SLC35F3: variants seen among roughly 807,000 people sequenced by gnomAD.
SLC35F3 encodes the protein putative thiamine transporter SLC35F3.
Under a neutral mutation model 49.9 loss-of-function variants are expected in SLC35F3, and 25 were observed. The ratio of observed to expected loss-of-function variants is 0.50; its 90% confidence interval spans 0.37 to 0.70. The LOEUF (loss-of-function observed/expected upper bound fraction) is 0.70, where lower values mean the gene tolerates loss of function less well. SLC35F3 is among the 30% of genes least tolerant of loss of function. SLC35F3 has a pLI of 0.00. For missense variants in SLC35F3, 525 were observed against 639.8 expected, an observed-to-expected ratio of 0.82 and a Z score of 1.94; for synonymous variants, 275 against 265.4, an observed-to-expected ratio of 1.04 and a Z score of -0.35.
At chr1:234,139,951 T>TATAA (rs1665867565) in intron 2 of SLC35F3, among the ~76,000 whole-genome samples, 3 of 90,562 alleles carry the variant, frequency 3.3e-5, no homozygotes, top group Non-Finnish European at 4.6e-5. Flanking sequence ...CATCTCAAAA[T>TATAA]AATAAAATAA....
intron 2 of SLC35F3, among the ~76,000 whole-genome samples, chr1:234,172,661 T>C (rs1408167668): frequency 1.3e-5 from 2 of 152,238 alleles, no homozygotes; most frequent in Non-Finnish European, 2.9e-5. Context: ...TAGCCTACTA[T>C]ACACCTAGGC....
chr1:234,131,836 A>G (rs1183475395), intron 2 of SLC35F3, among the ~76,000 whole-genome samples: 4 of 152,332 alleles, frequency 2.6e-5, no homozygotes, highest in Admixed American at 6.5e-5. Context: ...GTATTAGCCT[A>G]ATTTAGAACA....
chr1:234,287,471 G>C (rs1434736955), intron 3 of SLC35F3, among the ~76,000 whole-genome samples: 2 of 152,210 alleles, frequency 1.3e-5, no homozygotes, highest in East Asian at 3.9e-4. Context: ...TCCTAAGGAG[G>C]GGTATATGTA....
At chr1:234,250,616 T>C (rs1316714473) in intron 3 of SLC35F3, among the ~76,000 whole-genome samples, 1 of 140,044 alleles carries the variant, frequency 7.1e-6, no homozygotes, top group Non-Finnish European at 1.5e-5. Flanking sequence ...ATCCCGCCAC[T>C]GCACTCCAGC....
chr1:234,092,083 A>C (rs562245456), intron 2 of SLC35F3, among the ~76,000 whole-genome samples: 1 of 152,330 alleles, frequency 6.6e-6, no homozygotes, highest in Non-Finnish European at 1.5e-5. Flanking sequence ...GCTGGAAGGC[A>C]GCCAACCCTG....
rs541073081 is a variant in SLC35F3, at chr1:234,296,354, G to A, written c.609-12747G>A. 2.6e-5 allele frequency among the ~76,000 whole-genome samples: 4 copies of A among 152,082 alleles called. No homozygotes were observed. In the South Asian group the frequency reaches 8.3e-4, roughly 32 times the overall value. On this transcript the variant is annotated intron_variant, in intron 3 of 7. Coordinates refer to ENST00000366618, the MANE Select transcript of SLC35F3 (RefSeq NM_173508.4). ...CTAGTGTGTAACCTCACTGGGTTAAGTGGACTATCACAAACAAAAGTATTC... is the reference window on the plus strand; with the variant it reads ...CTAGTGTGTAACCTCACTGGGTTAAATGGACTATCACAAACAAAAGTATTC...
chr1:234,053,104 T>G (rs940390842), intron 2 of SLC35F3, among the ~76,000 whole-genome samples: 2 of 152,228 alleles, frequency 1.3e-5, no homozygotes, highest in African/African-American at 4.8e-5. Flanking sequence ...CTGAGAAGAA[T>G]GTATATTTTG....
intron 2 of SLC35F3, among the ~76,000 whole-genome samples, chr1:233,932,054 A>G (rs887058758): frequency 2.0e-5 from 3 of 152,170 alleles, no homozygotes; most frequent in African/African-American, 7.2e-5. Flanking sequence ...CAGAAAACCA[A>G]ACACCACATA....
intron 2 of SLC35F3, among the ~76,000 whole-genome samples, chr1:233,985,396 T>A (rs1663251052): frequency 6.6e-6 from 1 of 152,222 alleles, no homozygotes; most frequent in South Asian, 2.1e-4. Context: ...TCATTTCTGC[T>A]TTTATCTGAT....
intron 2 of SLC35F3, among the ~76,000 whole-genome samples, chr1:233,986,961 T>A (rs1319132078): frequency 6.6e-6 from 1 of 152,202 alleles, no homozygotes; most frequent in Non-Finnish European, 1.5e-5. Flanking sequence ...TTCTTTCTGA[T>A]TTTATTGAGC....
chr1:234,187,774 C>T (rs1666666694), intron 2 of SLC35F3, among the ~76,000 whole-genome samples: 1 of 152,166 alleles, frequency 6.6e-6, no homozygotes, highest in Non-Finnish European at 1.5e-5. Context: ...CCATGTAAGC[C>T]ATTTCTGACT....
At chr1:234,293,520 T>G (rs1343322434) in intron 3 of SLC35F3, among the ~76,000 whole-genome samples, 1 of 152,170 alleles carries the variant, frequency 6.6e-6, no homozygotes, top group African/African-American at 2.4e-5. Flanking sequence ...GGAGCACACA[T>G]TTAGATGGTT....
intron 2 of SLC35F3, among the ~76,000 whole-genome samples, chr1:234,226,704 G>C (rs1402753208): frequency 6.6e-6 from 1 of 152,098 alleles, no homozygotes; most frequent in Non-Finnish European, 1.5e-5. Flanking sequence ...TCCTTCTGCT[G>C]TGCAGACATT....
At chr1:234,120,141 C>T (rs1223943375) in intron 2 of SLC35F3, among the ~76,000 whole-genome samples, 3 of 152,320 alleles carry the variant, frequency 2.0e-5, no homozygotes, top group Non-Finnish European at 2.9e-5. Context: ...GCCAGAATGA[C>T]ATTAGGTGAC....
rs536692686 is a variant in SLC35F3 at position 234,232,519 on chromosome 1, C to CAAAAAAA, written c.608+793_608+799dup. Among the ~76,000 whole-genome samples the CAAAAAAA allele has an allele frequency of 1.2e-3, 89 of 72,216 alleles. 1 individual carries two copies. The highest frequency in any genetic ancestry group is 2.8e-3 in the South Asian group (5 of 1,760). 47.4% of individuals were successfully genotyped at this position (72,216 alleles called of 152,430 possible). A position where few individuals can be genotyped will look rare whatever the true frequency, so the allele number is the denominator to read the frequency against. ...ATGGGCGTCCCAAATCAGGCCTAGT[C>CAAAAAAA]AAAAAAAAAAAAAAAAAAAAAGAAA... is the stretch of plus-strand genomic sequence containing the variant. On this transcript the variant is annotated intron_variant, in intron 3 of 7. Coordinates refer to ENST00000366618, the MANE Select transcript of SLC35F3 (RefSeq NM_173508.4).
At chr1:233,986,089 A>G (rs1663262350) in intron 2 of SLC35F3, among the ~76,000 whole-genome samples, 1 of 152,214 alleles carries the variant, frequency 6.6e-6, no homozygotes, top group South Asian at 2.1e-4. Context: ...CACTTAGCTC[A>G]TACAATTGCT....
At chr1:234,160,068 G>T (rs1572075006) in intron 2 of SLC35F3, among the ~76,000 whole-genome samples, 1 of 152,146 alleles carries the variant, frequency 6.6e-6, no homozygotes, top group East Asian at 1.9e-4. Flanking sequence ...CTGTTGATAG[G>T]ATTTGGATTC....
At chr1:234,202,610 A>G (rs1666915518) in intron 2 of SLC35F3, among the ~76,000 whole-genome samples, 1 of 152,218 alleles carries the variant, frequency 6.6e-6, no homozygotes, top group South Asian at 2.1e-4. Context: ...TGTCTTTCCC[A>G]CCACTGTGCC....
intron 2 of SLC35F3, among the ~76,000 whole-genome samples, chr1:234,060,101 C>G (rs1402797475): frequency 6.6e-6 from 1 of 152,194 alleles, no homozygotes. Flanking sequence ...ACAAAACATA[C>G]TTAATGTTAT....
Sources: gnomAD v4.1 joint callset for allele counts (sites outside exome capture counted in the v4.1 genomes callset) on GRCh38, gnomAD v4.1.1 for gene constraint, MANE v1.5 for transcripts, NCBI Gene and HGNC (gene_info 2026-07-23, HGNC 2026-07-21) for gene names.